ADAM23: variants seen among roughly 807,000 people sequenced by gnomAD.
The protein encoded by ADAM23 is ADAM metallopeptidase domain 23.
A neutral mutation model predicts 120.1 loss-of-function variants in ADAM23; 33 were observed. The observed-to-expected ratio is 0.27, with a 90% CI of 0.21 to 0.37. The LOEUF (loss-of-function observed/expected upper bound fraction) is 0.37, where lower values mean the gene tolerates loss of function less well. Among genes scored for constraint, ADAM23 ranks in the 10% least tolerant of loss-of-function variants. The pLI is 1.00. For missense variants in ADAM23, 862 were observed against 1,058.2 expected, an observed-to-expected ratio of 0.81 and a Z score of 2.57; for synonymous variants, 367 against 375.2, an observed-to-expected ratio of 0.98 and a Z score of 0.25.
intron 2 of ADAM23, among the ~76,000 whole-genome samples, 191 bp from the exon 3 acceptor site, chr2:206,481,041 A>G (rs372881378): frequency 2.6e-5 from 4 of 152,320 alleles, no homozygotes; most frequent in African/African-American, 9.6e-5. Flanking sequence ...TTGCTACCCA[A>G]ATATTTAGAT....
At chr2:206,540,273 G>T (rs1697264526) in intron 4 of ADAM23, among the ~76,000 whole-genome samples, 1 of 135,560 alleles carries the variant, frequency 7.4e-6, no homozygotes, top group Admixed American at 7.1e-5. Flanking sequence ...ACACACAGTT[G>T]TCCTTGAACT....
intron 2 of ADAM23, among the ~76,000 whole-genome samples, chr2:206,455,266 T>G (rs773528868): frequency 4.6e-5 from 7 of 152,198 alleles, no homozygotes; most frequent in Non-Finnish European, 5.9e-5. Context: ...CCCACTGAAA[T>G]AAGAGCTTGA....
intron 22 of ADAM23, among the ~76,000 whole-genome samples, chr2:206,593,113 A>T (rs541595971): frequency 6.6e-6 from 1 of 152,326 alleles, no homozygotes; most frequent in East Asian, 1.9e-4. Context: ...TTTAAGCTAT[A>T]GTTTATGAAG....
chr2:206,547,331 C>A, intron 6 of ADAM23, 98 bp from the exon 7 acceptor site: 1 of 902,324 alleles, frequency 1.1e-6, no homozygotes, highest in Non-Finnish European at 1.7e-6. Flanking sequence ...TATAAATATT[C>A]CCATTTTAGG....
chr2:206,493,864 T>A (rs1231550561), intron 3 of ADAM23, among the ~76,000 whole-genome samples: 2 of 152,212 alleles, frequency 1.3e-5, no homozygotes, highest in Non-Finnish European at 2.9e-5. Flanking sequence ...ATCCAATAAA[T>A]CAGACTAAAC....
chr2:206,453,267 A>G (rs555580534), intron 2 of ADAM23, among the ~76,000 whole-genome samples: 1 of 152,368 alleles, frequency 6.6e-6, no homozygotes, highest in Non-Finnish European at 1.5e-5. Flanking sequence ...ACCAGTGGCA[A>G]GAACCGAATC....
In ADAM23 at chr2:206,445,342, G is replaced by C. The variant is rs1695058900; in HGVS notation, c.250G>C (p.Gly84Arg). The C allele has an allele frequency of 1.2e-6, 2 of 1,613,756 alleles. No individual in the cohort carries two copies. The highest frequency in any genetic ancestry group is 1.7e-6 in the Non-Finnish European group (2 of 1,179,916). Reference protein sequence around the residue: ...HWNETAEKNLGVLADEDNTLQ... With the variant: ...HWNETAEKNLRVLADEDNTLQ... ...GAATGAAACTGCAGAAAAAAATTTG[G>C]GAGTCCTGGCAGATGAAGACAATAC... is the stretch of plus-strand genomic sequence containing the variant. Residue 84 changes from glycine to arginine, a missense_variant, in exon 2 of 26, where the codon GGA (glycine) becomes CGA (arginine). This residue lies in a region of ADAM23 where 225 missense variants were observed against 204.0 expected (regional missense o/e 1.10). Coordinates refer to ENST00000264377, the MANE Select transcript of ADAM23 (RefSeq NM_003812.4).
intron 6 of ADAM23, among the ~76,000 whole-genome samples, chr2:206,544,219 G>A (rs1182805148): frequency 6.6e-6 from 1 of 152,142 alleles, no homozygotes; most frequent in Non-Finnish European, 1.5e-5. Flanking sequence ...AATCTTTAGT[G>A]GGGAAATCTG....
intron 14 of ADAM23, among the ~76,000 whole-genome samples, chr2:206,566,589 C>T: frequency 6.6e-6 from 1 of 152,126 alleles, no homozygotes; most frequent in Middle Eastern, 3.2e-3. Context: ...TAATGAATAT[C>T]ACCAAATAGT....
At chr2:206,547,345 G>GGA in intron 6 of ADAM23, 84 bp from the exon 7 acceptor site, 1 of 1,058,202 alleles carries the variant, frequency 9.4e-7, no homozygotes, top group Admixed American at 2.4e-5. Flanking sequence ...TTTTAGGAAG[G>GGA]ACATTAGAGA....
intron 3 of ADAM23, among the ~76,000 whole-genome samples, chr2:206,506,771 C>A (rs940742904): frequency 6.6e-6 from 1 of 152,168 alleles, no homozygotes; most frequent in Admixed American, 6.5e-5. Flanking sequence ...CTTAACTTCT[C>A]TGCTGTTCAC....
intron 3 of ADAM23, among the ~76,000 whole-genome samples, chr2:206,530,335 C>T (rs1697025932): frequency 1.3e-5 from 2 of 152,184 alleles, no homozygotes; most frequent in South Asian, 2.1e-4. Flanking sequence ...ATATCTACTC[C>T]CTGGCCTTTA....
At chr2:206,567,128 AGTG>A in intron 14 of ADAM23, 92 bp from the exon 15 acceptor site, 1 of 965,908 alleles carries the variant, frequency 1.0e-6, no homozygotes, top group Non-Finnish European at 1.6e-6. Context: ...TTGGATTCAA[AGTG>A]AACATTTTGT....
At chr2:206,554,627 CTATT>C (rs1697603926) in intron 9 of ADAM23, among the ~76,000 whole-genome samples, 2 of 152,068 alleles carry the variant, frequency 1.3e-5, no homozygotes, top group African/African-American at 2.4e-5. Context: ...TATATATAAA[CTATT>C]TAATAGGAAT....
At chr2:206,446,436 A>G (rs1334758737) in intron 2 of ADAM23, among the ~76,000 whole-genome samples, 1 of 152,238 alleles carries the variant, frequency 6.6e-6, no homozygotes, top group Non-Finnish European at 1.5e-5. Context: ...AACAACAGTT[A>G]GCAATTAACT....
intron 15 of ADAM23, among the ~76,000 whole-genome samples, chr2:206,570,214 C>CT (rs1385811094): frequency 6.6e-6 from 1 of 152,160 alleles, no homozygotes; most frequent in East Asian, 1.9e-4. Flanking sequence ...CTTGAGATTT[C>CT]TTTTCAGTGA....
rs141532687 is a variant in ADAM23 at position 206,449,843 on chromosome 2, G to A, written c.432+4319G>A. Among the ~76,000 whole-genome samples the A allele has an allele frequency of 1.2e-4, 19 of 152,262 alleles. No individual in the cohort carries two copies. The South Asian group carries it at 3.1e-3, about 25-fold the overall frequency. ...CTTAGGATTCTCGTCTCTTCTGGTTGGGAAGGGATTGTGGAGATGCACGAT... is the reference window on the plus strand; with the variant it reads ...CTTAGGATTCTCGTCTCTTCTGGTTAGGAAGGGATTGTGGAGATGCACGAT... On this transcript the variant is annotated intron_variant, in intron 2 of 25. Coordinates refer to ENST00000264377, the MANE Select transcript of ADAM23 (RefSeq NM_003812.4).
chr2:206,443,738 C>T lies in ADAM23; in HGVS notation c.-129C>T, dbSNP rs1441186935. Reference sequence around the variant, plus strand: ...CGAGCCCCGCGCCCCGTGCCCCGAGCCCGGAGCCCCCTGCCCGCCGCGGCA... The same window carrying T: ...CGAGCCCCGCGCCCCGTGCCCCGAGTCCGGAGCCCCCTGCCCGCCGCGGCA... On this transcript the variant is annotated 5_prime_UTR_variant, in exon 1 of 26. Transcript: ENST00000264377. 7 of 329,592 alleles carry T rather than the reference C, an allele frequency of 2.1e-5. No individual in the cohort carries two copies. The highest frequency in any genetic ancestry group is 1.2e-4 in the South Asian group (1 of 8,610). 20.4% of individuals were successfully genotyped at this position (329,592 alleles called of 1,614,324 possible).
At chr2:206,455,008 A>G (rs1484000664) in intron 2 of ADAM23, among the ~76,000 whole-genome samples, 6 of 152,320 alleles carry the variant, frequency 3.9e-5, no homozygotes, top group African/African-American at 1.4e-4. Flanking sequence ...CTCTCTTCTC[A>G]CAGCTCCAAT....
Sources: allele counts gnomAD v4.1 joint callset (sites outside exome capture counted in the v4.1 genomes callset), GRCh38; gene constraint gnomAD v4.1.1; regional missense constraint gnomAD v4.1.1; transcripts MANE v1.5; gene names NCBI Gene and HGNC (gene_info 2026-07-23, HGNC 2026-07-21).